Variants in CPXM2 observed in about 807,000 individuals in gnomAD.
CPXM2 encodes the protein carboxypeptidase X, M14 family member 2.
CPXM2 carries 66 observed loss-of-function variants against 86.1 expected under a neutral mutation model. The ratio of observed to expected loss-of-function variants is 0.77; its 90% CI spans 0.63 to 0.94. CPXM2 has a LOEUF of 0.94. Ranked by LOEUF, CPXM2 falls within the 40% of genes least tolerant of loss-of-function variation. The pLI, the probability that CPXM2 is intolerant of heterozygous loss-of-function variation, is 0.00. For missense variants in CPXM2, 948 were observed against 1,026.3 expected (o/e 0.92, Z 1.04); for synonymous variants, 388 against 400.2 (o/e 0.97, Z 0.36).
rs910857286 is a variant in CPXM2 at position 123,754,874 on chromosome 10, C to T, written c.1918-112G>A. On this transcript the variant is annotated intron_variant, in intron 12 of 13. Coordinates refer to ENST00000241305, the MANE Select transcript of CPXM2 (RefSeq NM_198148.3). This position sits in a 1 kb window ranked among gnomAD's most constrained non-coding sequence, Gnocchi z 4.0. ...TTGGCCGGTTCCCACCAAGAACTCA[C>T]ACAGCACCACGTCTTGCTCAGAAGG... 3.1e-5 allele frequency: 22 copies of T among 705,658 alleles called. No homozygotes were observed. The highest frequency in any genetic ancestry group is 5.5e-5 in the Non-Finnish European group (21 of 384,324). The allele number at this position is 705,658 out of a possible 1,614,324, so 43.7% of individuals were successfully genotyped here.
At chr10:123,838,798 C>T (rs181989450) in intron 4 of CPXM2, among the ~76,000 whole-genome samples, 68 of 152,284 alleles carry the variant, frequency 4.5e-4, no homozygotes, top group Middle Eastern at 3.4e-3. Flanking sequence ...TGGGAAGCGG[C>T]AACAGGCACC....
chr10:123,928,084 C>A (rs1321020985), intron 2 of CPXM2, among the ~76,000 whole-genome samples: 2 of 152,218 alleles, frequency 1.3e-5, no homozygotes, highest in Non-Finnish European at 2.9e-5. Flanking sequence ...ACCCACTCCC[C>A]TCCACCACCA....
intron 4 of CPXM2, among the ~76,000 whole-genome samples, chr10:123,837,224 G>A (rs540776440): frequency 1.3e-4 from 20 of 152,250 alleles, no homozygotes; most frequent in African/African-American, 4.3e-4. Context: ...GAGCCTCCCC[G>A]TCCTTGTGCT....
chr10:123,790,167 G>A (rs1015453198), intron 6 of CPXM2, among the ~76,000 whole-genome samples: 16 of 152,252 alleles, frequency 1.1e-4, no homozygotes, highest in South Asian at 2.1e-4. Flanking sequence ...GGTGCGAGCC[G>A]GAGTGGCGGG....
intron 2 of CPXM2, among the ~76,000 whole-genome samples, chr10:123,863,420 C>A (rs1848902045): frequency 6.6e-6 from 1 of 152,196 alleles, no homozygotes; most frequent in Non-Finnish European, 1.5e-5. Context: ...GGGGTCCCCG[C>A]ATTGAGGGGG....
rs113957398 is a variant in CPXM2, at chr10:123,813,798, C to G, written c.654-14599G>C. Among the ~76,000 whole-genome samples, 635 of 152,298 alleles carry G rather than the reference C, an allele frequency of 4.2e-3. 3 individuals are homozygous for G. Among genetic ancestry groups the G allele is most frequent in the African/African-American group, 0.014 (597 of 41,558 alleles). ...GGTGGTGCCCAACAGATATCATAATCTGCGTTAATTATGTCTACCTGGAAA... is the reference window on the plus strand; with the variant it reads ...GGTGGTGCCCAACAGATATCATAATGTGCGTTAATTATGTCTACCTGGAAA... On this transcript the variant is annotated intron_variant, in intron 4 of 13. Coordinates refer to ENST00000241305, the MANE Select transcript of CPXM2 (RefSeq NM_198148.3).
chr10:123,863,940 C>A (rs1343731705), intron 2 of CPXM2, among the ~76,000 whole-genome samples: 1 of 152,144 alleles, frequency 6.6e-6, no homozygotes, highest in Non-Finnish European at 1.5e-5. Context: ...CACCAGAGGG[C>A]CTTGTCAGAA....
rs147301551 is a variant in CPXM2, at chr10:123,781,551, C to T, written c.890-1296G>A. On this transcript the variant is annotated intron_variant, in intron 6 of 13. Coordinates refer to ENST00000241305, the MANE Select transcript of CPXM2 (RefSeq NM_198148.3). ...GCAGAGAACCCGCAGCCCTAGGAAC[C>T]ATGTGAGCAATGTGAGAACCATGCA... Among the ~76,000 whole-genome samples the T allele has an allele frequency of 2.8e-3, 427 of 152,282 alleles. 2 individuals are homozygous for T. Among genetic ancestry groups the T allele is most frequent in the African/African-American group, 7.7e-3 (321 of 41,556 alleles).
At chr10:123,941,282 G>A (rs1381822382), upstream of CPXM2, among the ~76,000 whole-genome samples, 1 of 152,218 alleles carries the variant, frequency 6.6e-6, no homozygotes, top group Non-Finnish European at 1.5e-5. Context: ...TGTTCCCTTT[G>A]AAGGCCCTAG....
chr10:123,754,677 T>C lies in CPXM2; in HGVS notation c.2003A>G (p.His668Arg), dbSNP rs745327315. The C allele has an allele frequency of 5.0e-6, 8 of 1,589,450 alleles. No individual in the cohort carries two copies. Among genetic ancestry groups the C allele is most frequent in the Admixed American group, 1.7e-5 (1 of 59,980 alleles). Residue 668 changes from histidine to arginine, a missense_variant, in exon 13 of 14, where the codon CAT (histidine) becomes CGT (arginine). By Grantham distance (29) the His-to-Arg change is conservative. Transcript: ENST00000241305. The surrounding 1 kb of genome is among the most constrained non-coding windows in gnomAD (Gnocchi z 4.0). ...TTTGCAGTTACCTGTTCGGATGTCA[T>C]GGTTAATGCCTTCTACGGAGATAAT... ...NAIISVEGIN[H>R]DIRTANDGDY...
chr10:123,857,633 G>C (rs1359141652), intron 3 of CPXM2, among the ~76,000 whole-genome samples: 1 of 95,096 alleles, frequency 1.1e-5, no homozygotes, highest in South Asian at 3.7e-4. Context: ...GCGGCGTGGA[G>C]ATGGAAGGCG....
intron 3 of CPXM2, among the ~76,000 whole-genome samples, chr10:123,854,396 T>TATATATATA (rs1564799045): frequency 6.9e-5 from 8 of 116,516 alleles, no homozygotes; most frequent in African/African-American, 2.5e-4. Context: ...ATATATATAT[T>TATATATATA]ATATATATAT....
rs1039546632 is a variant in CPXM2, at chr10:123,917,263, T to C, written n.174+22214A>G. ...CCTTTATTCCATTTCTAATTCAGGATCCGCTTTGATGTGCTCAGGCACAGG... is the reference window on the plus strand; with the variant it reads ...CCTTTATTCCATTTCTAATTCAGGACCCGCTTTGATGTGCTCAGGCACAGG... On this transcript the variant is annotated intron_variant and non_coding_transcript_variant, in intron 2 of 19. Coordinates refer to the CPXM2 transcript ENST00000368854. Among the ~76,000 whole-genome samples the C allele has an allele frequency of 1.8e-4, 27 of 152,360 alleles. 1 individual carries two copies. The South Asian group carries it at 5.6e-3, about 32-fold the overall frequency.
At chr10:123,933,922 C>T (rs1483372465) in intron 2 of CPXM2, among the ~76,000 whole-genome samples, 2 of 152,000 alleles carry the variant, frequency 1.3e-5, no homozygotes, top group East Asian at 3.9e-4. Context: ...CTCTCCTTAC[C>T]CAACTCCCCT....
At chr10:123,813,422 A>G (rs1368785045) in intron 4 of CPXM2, among the ~76,000 whole-genome samples, 1 of 152,160 alleles carries the variant, frequency 6.6e-6, no homozygotes, top group Non-Finnish European at 1.5e-5. Flanking sequence ...GGTCTTCATC[A>G]TGCTTCTCTT....
chr10:123,856,242 G>A (rs748008576), intron 3 of CPXM2, among the ~76,000 whole-genome samples: 32 of 152,190 alleles, frequency 2.1e-4, no homozygotes, highest in Admixed American at 7.2e-4. Context: ...CTGATCACAC[G>A]TCAGACCCTG....
At chr10:123,752,278 A>T in intron 13 of CPXM2, 1 of 985,412 alleles carries the variant, frequency 1.0e-6, no homozygotes, top group Non-Finnish European at 1.2e-6. Context: ...AACACCTATG[A>T]GGGGCTACTA....
At chr10:123,770,816 C>T (rs1241428677) in intron 8 of CPXM2, 100 bp downstream of exon 8, 1 of 1,310,226 alleles carries the variant, frequency 7.6e-7, no homozygotes, top group African/African-American at 1.5e-5. Flanking sequence ...ACAGCTGATG[C>T]CCTGTGGCAT....
intron 7 of CPXM2, among the ~76,000 whole-genome samples, chr10:123,774,928 TAAC>T (rs768444950): frequency 1.8e-4 from 27 of 152,214 alleles, no homozygotes; most frequent in Non-Finnish European, 3.5e-4. Context: ...CCAATTGTGT[TAAC>T]AAGAACAGGA....
Sources: gnomAD v4.1 joint callset for allele counts (sites outside exome capture counted in the v4.1 genomes callset) on GRCh38, gnomAD v4.1.1 for gene constraint, Gnocchi (gnomAD v3.1) non-coding constraint, MANE v1.5 for transcripts, NCBI Gene and HGNC (gene_info 2026-07-23, HGNC 2026-07-21) for gene names.